Variants in NRXN2 observed in about 807,000 individuals in gnomAD.
NRXN2 encodes the protein neurexin-2-beta.
NRXN2 carries 29 observed loss-of-function variants against 128.8 expected under a neutral mutation model. The observed-to-expected ratio is 0.23, with a 90% CI of 0.17 to 0.31. NRXN2 has a LOEUF of 0.31. Among genes scored for constraint, NRXN2 ranks in the 10% least tolerant of loss-of-function variants. The pLI is 1.00. For missense variants in NRXN2, 1,881 were observed against 2,452.6 expected, an observed-to-expected ratio of 0.77 and a Z score of 4.92; for synonymous variants, 1,098 against 1,075.2, an observed-to-expected ratio of 1.02 and a Z score of -0.41.
At chr11:64,639,585 T>G (rs1328449249) in intron 17 of NRXN2, among the ~76,000 whole-genome samples, 1 of 152,058 alleles carries the variant, frequency 6.6e-6, no homozygotes, top group African/African-American at 2.4e-5. Context: ...TCAGCTCATT[T>G]TTAGGACCCA....
At chr11:64,615,780 T>A (rs1200361612) in intron 22 of NRXN2, among the ~76,000 whole-genome samples, 1 of 152,096 alleles carries the variant, frequency 6.6e-6, no homozygotes. Context: ...ATGGGTACCT[T>A]GGAGCACAGA....
chr11:64,630,413 C>T lies in NRXN2; in HGVS notation c.3746G>A (p.Arg1249Gln). Residue 1249 changes from arginine to glutamine, a missense_variant, in exon 19 of 23, where the codon CGG becomes CAG. Coordinates refer to ENST00000265459, the MANE Select transcript of NRXN2 (RefSeq NM_015080.4). This position sits in a 1 kb window ranked among gnomAD's most constrained non-coding sequence, Gnocchi z 4.6. ...LQVDSWPVNE[R>Q]YPAGNFDNER... Reference sequence around the variant, plus strand: ...CCCGCGCCGCCTACCTGCCGGGTACCGCTCGTTGACCGGCCAGCTGTCCAC... The same window carrying T: ...CCCGCGCCGCCTACCTGCCGGGTACTGCTCGTTGACCGGCCAGCTGTCCAC... 1 of 1,611,936 alleles carries T rather than the reference C, an allele frequency of 6.2e-7. No homozygotes were observed. Among genetic ancestry groups the T allele is most frequent in the South Asian group, 1.1e-5 (1 of 91,048 alleles).
At position 64,660,476 on chromosome 11, in the gene NRXN2, T is replaced by C; in HGVS notation, c.2245A>G (p.Met749Val). The C allele has an allele frequency of 6.2e-7, 1 of 1,614,166 alleles. No homozygotes were observed. The highest frequency in any genetic ancestry group is 8.5e-7 in the Non-Finnish European group (1 of 1,180,028). ...MYMKIMLPNA[M>V]HTEAEDVSLR... ...GACACATCCTCTGCCTCCGTGTGCA[T>C]GGCGTTAGGCAGCATGATCTTCATG... The change falls in exon 11 of 23, where the codon ATG becomes GTG. Residue 749 changes from methionine (M) to valine (V), a missense_variant. Physicochemically the swap from Met to Val is conservative, Grantham distance 21. Transcript: ENST00000265459. The surrounding 1 kb of genome is among the most constrained non-coding windows in gnomAD (Gnocchi z 5.2).
intron 11 of NRXN2, among the ~76,000 whole-genome samples, chr11:64,656,717 G>C (rs964139077): frequency 6.6e-6 from 1 of 151,810 alleles, no homozygotes; most frequent in African/African-American, 2.4e-5. Context: ...GCCATGCTGG[G>C]ATAGGGCAAA....
chr11:64,684,178 G>C (rs971566012), intron 6 of NRXN2, among the ~76,000 whole-genome samples: 1 of 152,114 alleles, frequency 6.6e-6, no homozygotes, highest in African/African-American at 2.4e-5. Context: ...GCATCTTGCC[G>C]AAGTCGGTAC....
chr11:64,699,244 A>G (rs1293928851), intron 2 of NRXN2, among the ~76,000 whole-genome samples: 1 of 152,060 alleles, frequency 6.6e-6, no homozygotes, highest in Admixed American at 6.6e-5. Flanking sequence ...ACCACCCCAC[A>G]GTGACTCCAG....
At chr11:64,704,623 C>CACACAGAGGGAGAG (rs1336665936) in intron 2 of NRXN2, among the ~76,000 whole-genome samples, 9 of 81,178 alleles carry the variant, frequency 1.1e-4, no homozygotes, top group African/African-American at 4.3e-4. Flanking sequence ...CACACACACA[C>CACACAGAGGGAGAG]AGAGAGAGAG....
chr11:64,704,623 C>CACAGAGGGAGAGAGAG (rs1336665936), intron 2 of NRXN2, among the ~76,000 whole-genome samples: 46 of 81,208 alleles, frequency 5.7e-4, no homozygotes, highest in African/African-American at 2.1e-3. Context: ...CACACACACA[C>CACAGAGGGAGAGAGAG]AGAGAGAGAG....
At chr11:64,696,123 C>T (rs1592177836) in intron 3 of NRXN2, among the ~76,000 whole-genome samples, 1 of 151,544 alleles carries the variant, frequency 6.6e-6, no homozygotes, top group Admixed American at 6.6e-5. Flanking sequence ...TTTTCCCTTT[C>T]TCTCTTCCTC....
intron 7 of NRXN2, among the ~76,000 whole-genome samples, chr11:64,672,035 G>T (rs767506478): frequency 3.9e-5 from 6 of 152,174 alleles, no homozygotes; most frequent in Non-Finnish European, 5.9e-5. Context: ...CAAGCAGGCC[G>T]AGTGGGTACT....
At chr11:64,620,700 G>C (rs1042152534) in intron 21 of NRXN2, among the ~76,000 whole-genome samples, 6 of 148,668 alleles carry the variant, frequency 4.0e-5, no homozygotes, top group Non-Finnish European at 8.9e-5. Flanking sequence ...AGAGGATCTA[G>C]GATGCCTCAG....
chr11:64,709,220 A>G (rs1225192369), intron 2 of NRXN2, among the ~76,000 whole-genome samples: 1 of 150,614 alleles, frequency 6.6e-6, no homozygotes, highest in Non-Finnish European at 1.5e-5. Context: ...AAAAGTCCTC[A>G]GTCTCAGAAA....
rs763644840 is a variant in NRXN2, at chr11:64,661,119, G to A, written c.1819C>T (p.Arg607Cys). 5.0e-6 allele frequency: 8 copies of A among 1,613,548 alleles called. No homozygotes were observed. Among genetic ancestry groups the A allele is most frequent in the Non-Finnish European group, 5.9e-6 (7 of 1,180,024 alleles). Residue 607 changes from arginine (R) to cysteine (C), a missense_variant, in exon 10 of 23, where the codon CGC (arginine) becomes TGC (cysteine). Coordinates refer to ENST00000265459, the MANE Select transcript of NRXN2 (RefSeq NM_015080.4). The part of the protein sequence containing the change: ...GRKGSISVNS[R>C]STPFLATGDS... ...CCAGTGGCCAAGAACGGCGTGCTGC[G>A]ACTATTCACTGAGATGGAGCCTGGG...
At chr11:64,665,233 A>G (rs545096834) in intron 9 of NRXN2, among the ~76,000 whole-genome samples, 1 of 151,980 alleles carries the variant, frequency 6.6e-6, no homozygotes, top group Non-Finnish European at 1.5e-5. Flanking sequence ...GTGAGCCGAG[A>G]TCGCGCCACT....
intron 2 of NRXN2, among the ~76,000 whole-genome samples, chr11:64,704,038 A>G (rs1306272062): frequency 6.6e-6 from 1 of 152,162 alleles, no homozygotes; most frequent in African/African-American, 2.4e-5. Flanking sequence ...TCTGGGTCTG[A>G]GAGCAACTGC....
intron 21 of NRXN2, among the ~76,000 whole-genome samples, chr11:64,621,660 C>T (rs946047972): frequency 6.6e-6 from 1 of 152,130 alleles, no homozygotes; most frequent in Non-Finnish European, 1.5e-5. Context: ...CTCATGGCCA[C>T]CCCCAGATCC....
chr11:64,698,806 A>G (rs1439237885), intron 2 of NRXN2, among the ~76,000 whole-genome samples: 1 of 152,244 alleles, frequency 6.6e-6, no homozygotes, highest in African/African-American at 2.4e-5. Flanking sequence ...CAACTCCTCA[A>G]GCAGGTTGGG....
intron 9 of NRXN2, among the ~76,000 whole-genome samples, chr11:64,666,852 C>A (rs547922003): frequency 6.6e-6 from 1 of 152,118 alleles, no homozygotes; most frequent in Admixed American, 6.5e-5. Flanking sequence ...CATGAGGCAT[C>A]GCACCCGGCC....
intron 11 of NRXN2, among the ~76,000 whole-genome samples, chr11:64,657,559 G>A (rs763322686): frequency 5.3e-5 from 8 of 152,164 alleles, no homozygotes. Context: ...AACCACCACA[G>A]ACGTAGGCAG....
Sources: allele counts gnomAD v4.1 joint callset (sites outside exome capture counted in the v4.1 genomes callset), GRCh38; gene constraint gnomAD v4.1.1; non-coding constraint Gnocchi (gnomAD v3.1); transcripts MANE v1.5; gene names NCBI Gene and HGNC (gene_info 2026-07-23, HGNC 2026-07-21).